Variants in MBP observed in about 807,000 individuals in gnomAD.
MBP encodes the protein myelin basic protein.
A neutral mutation model predicts 35.8 loss-of-function variants in MBP; 16 were observed. The observed-to-expected ratio is 0.45, with a 90% CI of 0.30 to 0.68. MBP has a LOEUF of 0.68. Ranked by LOEUF, MBP falls within the 30% of genes least tolerant of loss-of-function variation. The probability of loss-of-function intolerance (pLI) is 0.08; values close to 1 mark genes in which losing one functional copy is unlikely to be tolerated. For missense variants in MBP, 380 were observed against 404.7 expected (o/e 0.94, Z 0.52); for synonymous variants, 143 against 159.6 (o/e 0.90, Z 0.78).
chr18:77,008,390 G>A (rs1041253844), intron 4 of MBP, among the ~76,000 whole-genome samples: 2 of 152,138 alleles, frequency 1.3e-5, no homozygotes, highest in African/African-American at 2.4e-5. Context: ...AACTACCTGC[G>A]GGTAGTGGTG....
intron 7 of MBP, chr18:76,986,774 A>G (rs931884899): frequency 3.0e-6 from 3 of 985,392 alleles, no homozygotes; most frequent in Non-Finnish European, 3.6e-6. Context: ...GTCTTACTCT[A>G]TTGCTTTTCT....
chr18:77,105,397 GAAGACGAAAC>G (rs1976234805), intron 1 of MBP, 111 bp from the exon 2 acceptor site: 10 of 631,182 alleles, frequency 1.6e-5, no homozygotes, highest in African/African-American at 1.3e-4. Context: ...CCATTTTTGA[GAAGACGAAAC>G]CAAGGCCCTG....
chr18:77,004,789 C>T (rs1970835003), intron 4 of MBP: 1 of 152,328 alleles, frequency 6.6e-6, no homozygotes, highest in African/African-American at 2.4e-5. Context: ...TTGCTTTGCC[C>T]CATGACAGGA....
In MBP at chr18:76,988,436, G is replaced by C; in HGVS notation, c.750+59C>G. 6.2e-7 allele frequency: 1 copy of C among 1,614,208 alleles called. No individual in the cohort carries two copies. Among genetic ancestry groups the C allele is most frequent in the South Asian group, 1.1e-5 (1 of 91,068 alleles). On this transcript the variant is annotated intron_variant, in intron 7 of 8. Transcript: ENST00000355994. The surrounding 1 kb of genome is among the most constrained non-coding windows in gnomAD (Gnocchi z 5.2). ...CGAAACAGAGCAGAACACAAAAGTT[G>C]CGGGGCTGTGAGGACTGGGACGGAA... is the stretch of plus-strand genomic sequence containing the variant.
chr18:76,981,044 C>T (rs551221546), intron 8 of MBP: 1 of 154,984 alleles, frequency 6.5e-6, no homozygotes, highest in Non-Finnish European at 1.4e-5. Context: ...GGTCTTAAAA[C>T]CATGCATTTA....
intron 2 of MBP, among the ~76,000 whole-genome samples, chr18:77,090,121 A>C (rs189575552): frequency 1.7e-4 from 26 of 152,290 alleles, no homozygotes; most frequent in Admixed American, 2.6e-4. Context: ...CACCTGTCAG[A>C]GGGGCCTCAG....
At chr18:77,066,462 C>T in intron 2 of MBP, 77 bp from the exon 3 acceptor site, 4 of 938,630 alleles carry the variant, frequency 4.3e-6, no homozygotes, top group Non-Finnish European at 7.0e-6. Flanking sequence ...ATGCATTTGT[C>T]TCTTTATAAA....
chr18:77,000,706 T>C (rs1226379634), intron 4 of MBP, among the ~76,000 whole-genome samples: 5 of 152,110 alleles, frequency 3.3e-5, no homozygotes, highest in African/African-American at 9.7e-5. Context: ...AGGGTTGTTG[T>C]TGTTTTTTTT....
chr18:76,980,399 G>C lies in MBP; in HGVS notation c.*28C>G, dbSNP rs998482397. ...TAAGGCAGTTATATTAAGAAGCTGA[G>C]GACAGGATTCCGGAACCAGGTGGGT... On this transcript the variant is annotated 3_prime_UTR_variant, in exon 9 of 9. Transcript: ENST00000355994. 1 of 1,605,460 alleles carries C rather than the reference G, an allele frequency of 6.2e-7. No homozygotes were observed. Among genetic ancestry groups the C allele is most frequent in the Admixed American group, 1.7e-5 (1 of 59,994 alleles).
At chr18:77,070,746 C>A (rs1974406774) in intron 2 of MBP, among the ~76,000 whole-genome samples, 1 of 152,144 alleles carries the variant, frequency 6.6e-6, no homozygotes, top group Non-Finnish European at 1.5e-5. Context: ...TCGAGAGGTC[C>A]ACCCTCTCCC....
intron 4 of MBP, among the ~76,000 whole-genome samples, chr18:76,995,359 C>T (rs1970211237): frequency 6.6e-6 from 1 of 152,116 alleles, no homozygotes; most frequent in Admixed American, 6.5e-5. Flanking sequence ...GTATGGAAAT[C>T]CGAGGGAGCA....
At chr18:77,090,993 A>G (rs979059151) in intron 2 of MBP, among the ~76,000 whole-genome samples, 3 of 152,240 alleles carry the variant, frequency 2.0e-5, no homozygotes, top group African/African-American at 7.2e-5. Context: ...GCCTGCTGTG[A>G]GAGGGCAGAG....
rs545502386 is a variant in MBP at position 76,989,924 on chromosome 18, G to T, written c.681+32C>A. ...GCCAGCACCCCTCCTCCCCCTCACA[G>T]TTGCTACCTCTTCCCATCGATCGTC... is the stretch of plus-strand genomic sequence containing the variant. On this transcript the variant is annotated intron_variant, in intron 5 of 8. Transcript: ENST00000355994. This position sits in a 1 kb window ranked among gnomAD's most constrained non-coding sequence, Gnocchi z 4.0. 6.4e-7 allele frequency: 1 copy of T among 1,572,114 alleles called. No individual in the cohort carries two copies. Among genetic ancestry groups the T allele is most frequent in the East Asian group, 2.2e-5 (1 of 44,650 alleles).
At chr18:77,130,491 G>C (rs1479541325) in intron 1 of MBP, among the ~76,000 whole-genome samples, 1 of 151,726 alleles carries the variant, frequency 6.6e-6, no homozygotes, top group African/African-American at 2.4e-5. Context: ...GCTCTCAAAA[G>C]AGAGTCTGGC....
chr18:77,044,424 T>C lies in MBP; in HGVS notation c.139+21874A>G, dbSNP rs1008120648. ...TCCACCTCCATAGATCAGGCTTCAGTGTCTGGGGACCTGGGGACTGCTGTC... is the reference window on the plus strand; with the variant it reads ...TCCACCTCCATAGATCAGGCTTCAGCGTCTGGGGACCTGGGGACTGCTGTC... On this transcript the variant is annotated intron_variant, in intron 3 of 8. Coordinates refer to ENST00000355994, the MANE Select transcript of MBP (RefSeq NM_001025101.2). The surrounding 1 kb of genome is among the most constrained non-coding windows in gnomAD (Gnocchi z 4.4). 4.1e-4 allele frequency among the ~76,000 whole-genome samples: 62 copies of C among 152,096 alleles called. No homozygotes were observed. The highest frequency in any genetic ancestry group is 5.9e-4 in the Admixed American group (9 of 15,272).
rs147883515 is a variant in MBP at position 77,079,928 on chromosome 18, T to C, written c.52-13543A>G. On this transcript the variant is annotated intron_variant, in intron 2 of 8. Coordinates refer to ENST00000355994, the MANE Select transcript of MBP (RefSeq NM_001025101.2). ...CCGGTACTGCAACTCTCTCCGGGAT[T>C]GAACGGTTCTTCACCAACTAGAGTG... 4.5e-4 allele frequency among the ~76,000 whole-genome samples: 68 copies of C among 152,344 alleles called. 1 individual carries two copies. The highest frequency in any genetic ancestry group is 1.6e-3 in the African/African-American group (67 of 41,584).
At chr18:77,087,946 A>G (rs1599221709) in intron 2 of MBP, among the ~76,000 whole-genome samples, 2 of 151,996 alleles carry the variant, frequency 1.3e-5, no homozygotes, top group Admixed American at 1.3e-4. Flanking sequence ...TCCACAGCCT[A>G]TGTCCACGCG....
Position 76,988,598 on chromosome 18 carries a change from A to C in MBP, c.718-71T>G. On this transcript the variant is annotated intron_variant, in intron 6 of 8. Transcript: ENST00000355994. The surrounding 1 kb of genome is among the most constrained non-coding windows in gnomAD (Gnocchi z 5.2). ...GGAAAGTCCTTTCAATCAACAGGAA[A>C]CACAGTCAAAGCACAGTGGAGCTGA... 1 of 1,567,360 alleles carries C rather than the reference A, an allele frequency of 6.4e-7. No individual in the cohort carries two copies. The highest frequency in any genetic ancestry group is 1.4e-5 in the African/African-American group (1 of 73,904).
intron 2 of MBP, among the ~76,000 whole-genome samples, chr18:77,085,014 G>A (rs1375049329): frequency 6.6e-6 from 1 of 152,096 alleles, no homozygotes; most frequent in Admixed American, 6.6e-5. Flanking sequence ...TACTACAAGA[G>A]TTTGATAGTT....
Sources: allele counts gnomAD v4.1 joint callset (sites outside exome capture counted in the v4.1 genomes callset), GRCh38; gene constraint gnomAD v4.1.1; non-coding constraint Gnocchi (gnomAD v3.1); transcripts MANE v1.5; gene names NCBI Gene and HGNC (gene_info 2026-07-23, HGNC 2026-07-21).